Variants in PRKRA observed in about 807,000 individuals in gnomAD.
PRKRA encodes protein activator of interferon induced protein kinase EIF2AK2.
In PRKRA, 22 loss-of-function variants were observed where a neutral mutation model predicts 32.4. The observed-to-expected ratio is 0.68, with a 90% CI of 0.49 to 0.97. The LOEUF (loss-of-function observed/expected upper bound fraction) is 0.97, where lower values mean the gene tolerates loss of function less well. Among genes scored for constraint, PRKRA ranks in the 50% least tolerant of loss-of-function variants. The pLI is 0.00. For missense variants in PRKRA, 319 were observed against 375.6 expected, an observed-to-expected ratio of 0.85 and a Z score of 1.25; for synonymous variants, 139 against 129.8, an observed-to-expected ratio of 1.07 and a Z score of -0.48.
intron 3 of PRKRA, among the ~76,000 whole-genome samples, chr2:178,446,926 G>C (rs1026347734): frequency 6.9e-6 from 1 of 145,382 alleles, no homozygotes; most frequent in African/African-American, 2.6e-5. Flanking sequence ...CCGGGAGGCG[G>C]AGCTTGCAGT....
intron 2 of PRKRA, 121 bp downstream of exon 2, chr2:178,450,121 C>T: frequency 7.9e-7 from 1 of 1,261,986 alleles, no homozygotes; most frequent in Admixed American, 1.7e-5. Context: ...TGAGAGGTCT[C>T]AGTTTCAGAG....
At chr2:178,441,965 AACCTCCGC>A (rs533027952) in intron 5 of PRKRA, among the ~76,000 whole-genome samples, 96 of 147,896 alleles carry the variant, frequency 6.5e-4, no homozygotes, top group African/African-American at 2.4e-3. Context: ...GGCTCACTGC[AACCTCCGC>A]CTCCTGGGTT....
chr2:178,444,494 T>A lies in PRKRA; in HGVS notation c.324A>T (p.Ala108=). The A allele has an allele frequency of 6.3e-7, 1 of 1,585,586 alleles. No individual in the cohort carries two copies. The highest frequency in any genetic ancestry group is 8.7e-7 in the Non-Finnish European group (1 of 1,154,116). Residue 108 remains alanine (A), a synonymous_variant, in exon 4 of 8, where the codon GCA becomes GCT. Coordinates refer to ENST00000325748, the MANE Select transcript of PRKRA (RefSeq NM_003690.5). ...ILKANASICF[A]VPDPLMPDPS... is the part of the protein sequence containing the mutation. Reference sequence around the variant, plus strand: ...GGTCAGGCATTAAGGGGTCAGGAACTGCAAAGCTAAATATTTTTTAAAAGT... The same window carrying A: ...GGTCAGGCATTAAGGGGTCAGGAACAGCAAAGCTAAATATTTTTTAAAAGT...
At chr2:178,436,441 G>T in intron 6 of PRKRA, 122 bp from the exon 7 acceptor site, 1 of 816,866 alleles carries the variant, frequency 1.2e-6, no homozygotes, top group South Asian at 1.5e-5. Context: ...ATGTTTAAAT[G>T]GATAACATTT....
At position 178,450,326 on chromosome 2, in the gene PRKRA, C is replaced by G; in HGVS notation, c.151G>C (p.Val51Leu). 4 of 1,614,264 alleles carry G rather than the reference C, an allele frequency of 2.5e-6. No individual in the cohort carries two copies. The highest frequency in any genetic ancestry group is 2.2e-5 in the East Asian group (1 of 44,890). The change falls in exon 2 of 8, where the codon GTT becomes CTT. Residue 51 changes from valine to leucine, a missense_variant. Val to Leu is a conservative substitution (Grantham distance 32, BLOSUM62 1). Transcript: ENST00000325748. ...EYGMKTKNIP[V>L]YECERSDVQI... Reference sequence around the variant, plus strand: ...ACATCAGATCTTTCACATTCATAAACTGGGATGTTCTTGGTCTTCATGCCG... The same window carrying G: ...ACATCAGATCTTTCACATTCATAAAGTGGGATGTTCTTGGTCTTCATGCCG...
chr2:178,449,218 A>G (rs201784254), intron 2 of PRKRA, among the ~76,000 whole-genome samples: 1 of 135,410 alleles, frequency 7.4e-6, no homozygotes, highest in African/African-American at 2.9e-5. Flanking sequence ...AATTCTTCCT[A>G]TCTAGAAATA....
At position 178,436,177 on chromosome 2, in the gene PRKRA, T is replaced by A; in HGVS notation, c.752A>T (p.Glu251Val). ...YIQLLSEIAK[E>V]QGFNITYLDI... The stretch of plus-strand genomic sequence containing the variant: ...CAAATATGTTATATTAAAACCTTGT[T>A]CCTTGGCAATTTCACTAAGCAGCTG... Residue 251 changes from glutamate (E) to valine (V), a missense_variant, in exon 7 of 8, where the codon GAA becomes GTA. Transcript: ENST00000325748. 1 of 1,612,222 alleles carries A rather than the reference T, an allele frequency of 6.2e-7. No individual in the cohort carries two copies. Among genetic ancestry groups the A allele is most frequent in the African/African-American group, 1.3e-5 (1 of 74,994 alleles).
intron 3 of PRKRA, among the ~76,000 whole-genome samples, chr2:178,445,204 G>A (rs908390671): frequency 4.6e-5 from 7 of 152,204 alleles, no homozygotes; most frequent in Non-Finnish European, 1.0e-4. Context: ...TAGGGAAAAA[G>A]AGAACAACCT....
At chr2:178,432,713 T>C (rs1318906095) in intron 7 of PRKRA, among the ~76,000 whole-genome samples, 1 of 152,220 alleles carries the variant, frequency 6.6e-6, no homozygotes, top group Non-Finnish European at 1.5e-5. Flanking sequence ...CAGGAGGCAT[T>C]TGAACCAGGA....
At position 178,441,697 on chromosome 2, in the gene PRKRA, C is replaced by T. The variant is rs757848388; in HGVS notation, c.522G>A (p.Gly174=). Residue 174 remains glycine (G), a synonymous_variant, in exon 6 of 8, where the codon GGG becomes GGA. Coordinates refer to ENST00000325748, the MANE Select transcript of PRKRA (RefSeq NM_003690.5). ...RLESFMETGK[G]ASKKQAKRNA... ...TCCTTTTGGCTTGCTTTTTTGATGC[C>T]CCCTTTCCTGAACAAAGAAAAAGAA... 5 of 1,606,248 alleles carry T rather than the reference C, an allele frequency of 3.1e-6. No individual in the cohort carries two copies. Among genetic ancestry groups the T allele is most frequent in the Non-Finnish European group, 4.3e-6 (5 of 1,173,040 alleles).
intron 1 of PRKRA, 57 bp downstream of exon 1, chr2:178,450,909 C>T: frequency 8.2e-7 from 1 of 1,222,874 alleles, no homozygotes; most frequent in Non-Finnish European, 1.0e-6. Flanking sequence ...CTCCCCGCGC[C>T]CCGGCCCTGC....
chr2:178,440,569 A>G (rs1192061030), intron 6 of PRKRA, among the ~76,000 whole-genome samples: 1 of 152,212 alleles, frequency 6.6e-6, no homozygotes, highest in Non-Finnish European at 1.5e-5. Flanking sequence ...CAAGTTTAAA[A>G]TAGTAATTTC....
intron 5 of PRKRA, 69 bp from the exon 6 acceptor site, chr2:178,441,773 T>C (rs1697124394): frequency 5.6e-6 from 7 of 1,260,172 alleles, no homozygotes; most frequent in South Asian, 2.4e-5. Context: ...ATCAAACGTA[T>C]GAAGTACTGT....
chr2:178,450,909 C>A (rs1417526501), intron 1 of PRKRA, 57 bp downstream of exon 1: 4 of 1,222,812 alleles, frequency 3.3e-6, no homozygotes, highest in East Asian at 5.8e-5. Context: ...CTCCCCGCGC[C>A]CCGGCCCTGC....
chr2:178,450,546 C>A (rs534850994), intron 1 of PRKRA, 135 bp from the exon 2 acceptor site: 2 of 1,555,714 alleles, frequency 1.3e-6, no homozygotes, highest in African/African-American at 1.4e-5. Flanking sequence ...CCAGAGCTGG[C>A]GAGGCTGGGG....
intron 2 of PRKRA, 131 bp downstream of exon 2, chr2:178,450,111 T>G: frequency 8.7e-7 from 1 of 1,155,486 alleles, no homozygotes; most frequent in Non-Finnish European, 1.3e-6. Context: ...CGACCTGAGA[T>G]GAGAGGTCTC....
In PRKRA at chr2:178,431,805, A is replaced by C. The variant is rs1696661503; in HGVS notation, c.*292T>G. ...CTGTCGCTAGCATTTTTATTTCATC[A>C]TCAACAACAAACATGCAGTTTCTTT... On this transcript the variant is annotated 3_prime_UTR_variant, in exon 8 of 8. Coordinates refer to ENST00000325748, the MANE Select transcript of PRKRA (RefSeq NM_003690.5). 2.3e-6 allele frequency: 1 copy of C among 433,288 alleles called. No homozygotes were observed. Among genetic ancestry groups the C allele is most frequent in the South Asian group, 2.6e-5 (1 of 38,404 alleles). The allele number at this position is 433,288 out of a possible 1,614,324, so 26.8% of individuals were successfully genotyped here. A position where few individuals can be genotyped will look rare whatever the true frequency, so the allele number is the denominator to read the frequency against.
In PRKRA at chr2:178,438,118, CAGT is replaced by C. The variant is rs376342734; in HGVS notation, c.610-1802_610-1800del. 5.1e-3 allele frequency among the ~76,000 whole-genome samples: 770 copies of C among 152,200 alleles called. 7 individuals are homozygous for C. The highest frequency in any genetic ancestry group is 0.017 in the African/African-American group (706 of 41,524). ...CTTAATTTACAGATTTTTTGCTGTG[CAGT>C]AGGTTTTATGTTGTCAAATGTATTA... On this transcript the variant is annotated intron_variant, in intron 6 of 7. Transcript: ENST00000325748.
At chr2:178,434,776 C>T (rs1379729486) in intron 7 of PRKRA, among the ~76,000 whole-genome samples, 1 of 152,096 alleles carries the variant, frequency 6.6e-6, no homozygotes, top group African/African-American at 2.4e-5. Context: ...GCAAGGTCCC[C>T]ACATCTTTCT....
Sources: allele counts gnomAD v4.1 joint callset (sites outside exome capture counted in the v4.1 genomes callset), GRCh38; gene constraint gnomAD v4.1.1; transcripts MANE v1.5; gene names NCBI Gene and HGNC (gene_info 2026-07-23, HGNC 2026-07-21).